FUT8: variants seen among roughly 807,000 people sequenced by gnomAD.
The protein encoded by FUT8 is fucosyltransferase 8.
A neutral mutation model predicts 71.3 loss-of-function variants in FUT8; 29 were observed. The observed-to-expected ratio is 0.41, with a 90% CI of 0.30 to 0.55. The LOEUF (loss-of-function observed/expected upper bound fraction) is 0.55, where lower values mean the gene tolerates loss of function less well. Among genes scored for constraint, FUT8 ranks in the 20% least tolerant of loss-of-function variants. The probability of loss-of-function intolerance (pLI) is 0.34; values close to 1 mark genes in which losing one functional copy is unlikely to be tolerated. For synonymous variants in FUT8, 254 were observed against 239.3 expected, an observed-to-expected ratio of 1.06 and a Z score of -0.57; for missense variants, 544 against 702.1, an observed-to-expected ratio of 0.77 and a Z score of 2.55.
At chr14:65,470,356 G>T (rs2066123187) in intron 2 of FUT8, among the ~76,000 whole-genome samples, 1 of 152,164 alleles carries the variant, frequency 6.6e-6, no homozygotes, top group African/African-American at 2.4e-5. Flanking sequence ...TGGGGGACAG[G>T]GCTCCTGCCT....
At chr14:65,577,267 T>C (rs2140100828) in intron 3 of FUT8, among the ~76,000 whole-genome samples, 1 of 152,308 alleles carries the variant, frequency 6.6e-6, no homozygotes, top group Admixed American at 6.5e-5. Context: ...TTGTATTTAG[T>C]GCTGAAGTGG....
chr14:65,599,851 A>G (rs745653198), intron 3 of FUT8, among the ~76,000 whole-genome samples: 14 of 152,252 alleles, frequency 9.2e-5, no homozygotes, highest in Non-Finnish European at 1.6e-4. Context: ...GAGATTTACA[A>G]TAATCGTTAA....
chr14:65,722,317 G>C (rs1895460733), intron 8 of FUT8, among the ~76,000 whole-genome samples: 1 of 151,908 alleles, frequency 6.6e-6, no homozygotes, highest in Non-Finnish European at 1.5e-5. Flanking sequence ...TTATTTTTGA[G>C]ATAGGGTCTC....
intron 2 of FUT8, among the ~76,000 whole-genome samples, chr14:65,526,134 A>G (rs539423813): frequency 0.01 from 1,585 of 152,186 alleles, 30 homozygotes; most frequent in African/African-American, 0.037. Context: ...TTTCTGTCTC[A>G]TTGATCTGTC....
chr14:65,675,898 G>T (rs1434372185), intron 7 of FUT8, among the ~76,000 whole-genome samples: 7 of 152,080 alleles, frequency 4.6e-5, no homozygotes, highest in African/African-American at 7.2e-5. Flanking sequence ...TCAGGAGGCT[G>T]AGAGGGAAGA....
chr14:65,726,701 C>T (rs1895703634), intron 9 of FUT8, among the ~76,000 whole-genome samples: 1 of 152,166 alleles, frequency 6.6e-6, no homozygotes, highest in Non-Finnish European at 1.5e-5. Context: ...CTCATGTCTT[C>T]ACATTTCAAA....
intron 3 of FUT8, among the ~76,000 whole-genome samples, chr14:65,604,022 C>T (rs1460718226): frequency 1.3e-5 from 2 of 151,622 alleles, no homozygotes; most frequent in East Asian, 3.9e-4. Context: ...TCCAACAAGG[C>T]CTTTTACAAT....
chr14:65,592,035 C>T (rs1343349741), intron 3 of FUT8, among the ~76,000 whole-genome samples: 1 of 151,976 alleles, frequency 6.6e-6, no homozygotes, highest in Admixed American at 6.6e-5. Context: ...CTAGATCTCA[C>T]CTAGTTCTTC....
At chr14:65,585,858 A>C (rs2140126290) in intron 3 of FUT8, among the ~76,000 whole-genome samples, 1 of 152,320 alleles carries the variant, frequency 6.6e-6, no homozygotes, top group African/African-American at 2.4e-5. Flanking sequence ...CTTGTAACAT[A>C]ATTACTGAAA....
rs549154145 is a variant in FUT8 at position 65,538,342 on chromosome 14, G to A, written c.-227-22995G>A. Among the ~76,000 whole-genome samples, 6 of 152,308 alleles carry A rather than the reference G, an allele frequency of 3.9e-5. No individual in the cohort carries two copies. The East Asian group carries it at 1.2e-3, about 29-fold the overall frequency. ...TGGAGTTGTTGGGGACCAATAATGA[G>A]CCTTAGTGTGTGGTAGCTCCTGAAG... is the stretch of plus-strand genomic sequence containing the variant. On this transcript the variant is annotated intron_variant, in intron 2 of 10. Coordinates refer to ENST00000673929, the MANE Select transcript of FUT8 (RefSeq NM_001371533.1).
intron 7 of FUT8, among the ~76,000 whole-genome samples, chr14:65,706,711 TC>T (rs1469525229): frequency 6.6e-6 from 1 of 152,040 alleles, no homozygotes; most frequent in Non-Finnish European, 1.5e-5. Context: ...AAGTTATTAA[TC>T]CCATTCATGA....
the FUT8 span, among the ~76,000 whole-genome samples, chr14:65,388,165 C>T: frequency 6.6e-6 from 1 of 152,100 alleles, no homozygotes; most frequent in Non-Finnish European, 1.5e-5. Context: ...TCCCATTTTG[C>T]CATAGTCGAG....
intron 6 of FUT8, among the ~76,000 whole-genome samples, chr14:65,647,090 T>C (rs953475715): frequency 2.0e-5 from 3 of 152,220 alleles, no homozygotes; most frequent in South Asian, 2.1e-4. Flanking sequence ...TGTGAAAGGT[T>C]CGCACTGATT....
chr14:65,505,401 C>T (rs1468056058), intron 2 of FUT8, among the ~76,000 whole-genome samples: 2 of 150,618 alleles, frequency 1.3e-5, no homozygotes. Context: ...CAAGCTCCTC[C>T]TCCCAGGTTC....
Position 65,667,814 on chromosome 14 carries a change from C to T in FUT8, c.598-1429C>T, listed in dbSNP as rs190994502. ...GTAACCATGGTATGGGTACCAAACA[C>T]CATGGTACCCATACCATGTATCACC... is the stretch of plus-strand genomic sequence containing the variant. On this transcript the variant is annotated intron_variant, in intron 6 of 10. Coordinates refer to ENST00000673929, the MANE Select transcript of FUT8 (RefSeq NM_001371533.1). Among the ~76,000 whole-genome samples, 6 of 152,080 alleles carry T rather than the reference C, an allele frequency of 3.9e-5. No individual in the cohort carries two copies. The East Asian group carries it at 1.2e-3, about 29-fold the overall frequency.
At chr14:65,486,933 A>G (rs2066417427) in intron 2 of FUT8, among the ~76,000 whole-genome samples, 2 of 152,238 alleles carry the variant, frequency 1.3e-5, no homozygotes, top group Non-Finnish European at 2.9e-5. Flanking sequence ...TTATATGGAC[A>G]TAGAAGCAGT....
chr14:65,498,351 T>G (rs2066592440), intron 2 of FUT8, among the ~76,000 whole-genome samples: 1 of 152,212 alleles, frequency 6.6e-6, no homozygotes. Context: ...TGCATTGGTA[T>G]CTTTAGCCCA....
intron 6 of FUT8, among the ~76,000 whole-genome samples, chr14:65,641,450 TATAA>T: frequency 6.6e-6 from 1 of 152,366 alleles, no homozygotes; most frequent in East Asian, 1.9e-4. Context: ...TTGGGGCTGT[TATAA>T]ATAAACTGTT....
chr14:65,444,788 C>T (rs1431157448), intron 1 of FUT8, among the ~76,000 whole-genome samples: 1 of 152,152 alleles, frequency 6.6e-6, no homozygotes, highest in Non-Finnish European at 1.5e-5. Flanking sequence ...ATGTTTTTGT[C>T]CCCTCTGAAA....
Sources: allele counts gnomAD v4.1 joint callset (sites outside exome capture counted in the v4.1 genomes callset), GRCh38; gene constraint gnomAD v4.1.1; transcripts MANE v1.5; gene names NCBI Gene and HGNC (gene_info 2026-07-23, HGNC 2026-07-21).